Variants in MIB2 observed in about 807,000 individuals in gnomAD.
MIB2 encodes the protein MIB E3 ubiquitin protein ligase 2.
A neutral mutation model predicts 96.6 loss-of-function variants in MIB2; 78 were observed. The ratio of observed to expected loss-of-function variants is 0.81; its 90% CI spans 0.67 to 0.97. The LOEUF is 0.97. Ranked by LOEUF, MIB2 falls within the 50% of genes least tolerant of loss-of-function variation. MIB2 has a pLI of 0.00. For synonymous variants in MIB2, 820 were observed against 629.5 expected (o/e 1.30, Z -4.53); for missense variants, 1,543 against 1,424.0 (o/e 1.08, Z -1.35).
Position 1,624,265 on chromosome 1 carries a change from G to C in MIB2, c.419+320G>C. ...CGCTCTGGTCCGAGGGCATCAGCTCGGGGAGAATCTAGCCTGCTTGGGGCA... is the reference window on the plus strand; with the variant it reads ...CGCTCTGGTCCGAGGGCATCAGCTCCGGGAGAATCTAGCCTGCTTGGGGCA... On this transcript the variant is annotated intron_variant, in intron 4 of 19. Transcript: ENST00000355826. 3 of 448,726 alleles carry C rather than the reference G, an allele frequency of 6.7e-6. No individual in the cohort carries two copies. The South Asian group carries it at 9.0e-5, about 13-fold the overall frequency. The allele number at this position is 448,726 out of a possible 1,614,324, so 27.8% of individuals were successfully genotyped here.
rs1410012327 is a variant in MIB2 at position 1,630,543 on chromosome 1, G to A, written c.*13G>A. On this transcript the variant is annotated 3_prime_UTR_variant, in exon 20 of 20. Transcript: ENST00000355826. The stretch of plus-strand genomic sequence containing the variant: ...GATCTTCGTGTGAGCCGCGCCGTCC[G>A]CCGCGCCCGAGCTGCCTTCGCGTGC... 1.3e-6 allele frequency: 2 copies of A among 1,547,264 alleles called. No homozygotes were observed. Among genetic ancestry groups the A allele is most frequent in the African/African-American group, 1.4e-5 (1 of 71,838 alleles).
rs143944834 is a variant in MIB2, at chr1:1,627,168, A to G, written c.1335A>G (p.Ala445=). ...TGGTGGAGGTGGCGCTGGGTAACGCAGCCCGGGCTCTGGACCTGCTGCGGA... is the reference window on the plus strand; with the variant it reads ...TGGTGGAGGTGGCGCTGGGTAACGCGGCCCGGGCTCTGGACCTGCTGCGGA... ...RLVVEVALGN[A]ARALDLLRRR... The change falls in exon 11 of 20, where the codon GCA becomes GCG. Residue 445 remains alanine, a synonymous_variant. Transcript: ENST00000355826. 1.7e-3 allele frequency: 2,725 copies of G among 1,591,276 alleles called. 43 individuals carry two copies. The African/African-American group carries it at 0.031, about 18-fold the overall frequency.
intron 4 of MIB2, among the ~76,000 whole-genome samples, chr1:1,624,522 C>T (rs1224843231): frequency 2.0e-5 from 3 of 152,206 alleles, no homozygotes; most frequent in Non-Finnish European, 2.9e-5. Context: ...AGGGTGGGCC[C>T]GGGTGCCTTC....
chr1:1,616,637 C>A lies in MIB2; in HGVS notation c.-23+23C>A, dbSNP rs762142078. On this transcript the variant is annotated intron_variant, in intron 2 of 19. Transcript: ENST00000355826. ...CAGGTGAGCTCTTGATCGTCCGCGG[C>A]CTGATAGTTTGCACTTGGCTCTCCC... The A allele has an allele frequency of 1.2e-5, 18 of 1,551,606 alleles. 1 individual carries two copies. The South Asian group carries it at 1.7e-4, about 14-fold the overall frequency.
rs1644637780 is a variant in MIB2 at position 1,625,290 on chromosome 1, G to A, written c.726G>A (p.Lys242=). 1.3e-6 allele frequency: 2 copies of A among 1,589,568 alleles called. No individual in the cohort carries two copies. Among genetic ancestry groups the A allele is most frequent in the African/African-American group, 1.3e-5 (1 of 74,496 alleles). Reference sequence around the variant, plus strand: ...CTGGTCTGCCACCCTCCGCAGGCAAGCCGGCGGAGCTGCAGCGCAGGGTGA... The same window carrying A: ...CTGGTCTGCCACCCTCCGCAGGCAAACCGGCGGAGCTGCAGCGCAGGGTGA... ...YYKDHLPRLG[K]PAELQRRVSA... Residue 242 remains lysine, a synonymous_variant, in exon 7 of 20, where the codon AAG becomes AAA. Transcript: ENST00000355826. This position sits in a 1 kb window ranked among gnomAD's most constrained non-coding sequence, Gnocchi z 5.0.
intron 1 of MIB2, 55 bp from the exon 2 acceptor site, chr1:1,616,453 C>A: frequency 3.1e-6 from 4 of 1,310,566 alleles, no homozygotes; most frequent in Non-Finnish European, 4.1e-6. Flanking sequence ...GACAGGCGAC[C>A]GAGCCGCGGG....
chr1:1,615,606 G>T lies in MIB2; in HGVS notation c.-157G>T. 1 of 1,568,702 alleles carries T rather than the reference G, an allele frequency of 6.4e-7. No homozygotes were observed. Among genetic ancestry groups the T allele is most frequent in the Admixed American group, 1.8e-5 (1 of 56,180 alleles). ...CCCGAGTCGCTCCTAGGTCACTGGC[G>T]CGATGCGGGCCGTCCTCTCGGCTGA... is the stretch of plus-strand genomic sequence containing the variant. On this transcript the variant is annotated 5_prime_UTR_variant, in exon 1 of 20. Coordinates refer to ENST00000355826, the MANE Select transcript of MIB2 (RefSeq NM_001170687.4).
intron 2 of MIB2, among the ~76,000 whole-genome samples, chr1:1,622,224 G>A (rs1440905127): frequency 1.3e-5 from 2 of 152,238 alleles, no homozygotes; most frequent in Admixed American, 1.3e-4. Flanking sequence ...CCCTGGCCAT[G>A]GGGTCCTAGT....
In MIB2 at chr1:1,615,565, G is replaced by A. The variant is rs2100265468; in HGVS notation, c.-198G>A. On this transcript the variant is annotated 5_prime_UTR_variant, in exon 1 of 20. Coordinates refer to ENST00000355826, the MANE Select transcript of MIB2 (RefSeq NM_001170687.4). ...GTGCCCGGTGGCCCAGGAGGGCCTG[G>A]GAGCCCGAAGCCGTCCCCGAGTCGC... 6.5e-7 allele frequency: 1 copy of A among 1,539,636 alleles called. No individual in the cohort carries two copies. Among genetic ancestry groups the A allele is most frequent in the African/African-American group, 1.4e-5 (1 of 72,384 alleles).
intron 4 of MIB2, 103 bp downstream of exon 4, chr1:1,624,048 A>C: frequency 7.5e-7 from 1 of 1,326,518 alleles, no homozygotes; most frequent in African/African-American, 1.5e-5. Context: ...GCTCCCAGGA[A>C]GACGGAGCAA....
At chr1:1,615,498 C>T (rs1557542303), upstream of MIB2, 2 of 1,527,848 alleles carry the variant, frequency 1.3e-6, no homozygotes, top group Admixed American at 4.0e-5. Context: ...CCCTGGGCTC[C>T]CGCCCTTCGG....
In MIB2 at chr1:1,629,231, C is replaced by A; in HGVS notation, c.2301C>A (p.Asn767Lys). 6.5e-7 allele frequency: 1 copy of A among 1,543,658 alleles called. No homozygotes were observed. Among genetic ancestry groups the A allele is most frequent in the Non-Finnish European group, 8.7e-7 (1 of 1,155,490 alleles). Reference protein sequence around the residue: ...ALEGADVSYTNHRGRSPLDLA... With the variant: ...ALEGADVSYTKHRGRSPLDLA... ...AGGGCGCCGACGTGAGCTACACCAA[C>A]CACCGCGGTCGGAGCCCGCTGGACC... Residue 767 changes from asparagine to lysine, a missense_variant, in exon 17 of 20, where the codon AAC becomes AAA. By Grantham distance (94) the Asn-to-Lys change is moderately conservative (BLOSUM62 0). Transcript: ENST00000355826.
Position 1,629,162 on chromosome 1 carries a change from G to T in MIB2, c.2232G>T (p.Ala744=). 1.3e-6 allele frequency: 2 copies of T among 1,502,710 alleles called. No homozygotes were observed. Among genetic ancestry groups the T allele is most frequent in the South Asian group, 2.5e-5 (2 of 80,602 alleles). The allele number at this position is 1,502,710 out of a possible 1,614,324, so 93.1% of individuals were successfully genotyped here. The part of the protein sequence containing the change: ...RLQASGLPGS[A]ELTVGAAVAC... ...AGGCCTCGGGCCTCCCCGGCAGCGC[G>T]GAGCTGACGGTGGGCGCGGCGGTCG... The change falls in exon 17 of 20, where the codon GCG becomes GCT. Residue 744 remains alanine (A), a synonymous_variant. Coordinates refer to ENST00000355826, the MANE Select transcript of MIB2 (RefSeq NM_001170687.4).
At position 1,628,566 on chromosome 1, in the gene MIB2, G is replaced by A. The variant is rs778155856; in HGVS notation, c.2046G>A (p.Gly682=). 9 of 1,601,096 alleles carry A rather than the reference G, an allele frequency of 5.6e-6. No individual in the cohort carries two copies. In the East Asian group the frequency reaches 1.3e-4, roughly 24 times the overall value. The change falls in exon 16 of 20, where the codon GGG becomes GGA. Residue 682 remains glycine, a synonymous_variant. Transcript: ENST00000355826. Reference sequence around the variant, plus strand: ...TCGCCGTGCAACAGGCCCACGTGGGGCTGGTGCCGCTACTGGTGGACGCTG... The same window carrying A: ...TCGCCGTGCAACAGGCCCACGTGGGACTGGTGCCGCTACTGGTGGACGCTG... ...LHLAVQQAHV[G]LVPLLVDAGC...
At position 1,626,664 on chromosome 1, in the gene MIB2, G is replaced by T; in HGVS notation, c.987G>T (p.Trp329Cys). Reference protein sequence around the residue: ...PGALTKHHSFWVGDVVRVIGD... With the variant: ...PGALTKHHSFCVGDVVRVIGD... ...TTGTCGCTCAGCACCACTCCTTCTGGGTGGGCGACGTGGTCCGGGTCATCG... is the reference window on the plus strand; with the variant it reads ...TTGTCGCTCAGCACCACTCCTTCTGTGTGGGCGACGTGGTCCGGGTCATCG... The change falls in exon 9 of 20, where the codon TGG becomes TGT. Residue 329 changes from tryptophan (W) to cysteine (C), a missense_variant. Trp to Cys is a radical substitution (Grantham distance 215). Coordinates refer to ENST00000355826, the MANE Select transcript of MIB2 (RefSeq NM_001170687.4). The surrounding 1 kb of genome is among the most constrained non-coding windows in gnomAD (Gnocchi z 5.3). The T allele has an allele frequency of 6.3e-7, 1 of 1,580,054 alleles. No individual in the cohort carries two copies.
chr1:1,622,507 C>G (rs1428662354), intron 2 of MIB2, among the ~76,000 whole-genome samples: 4 of 152,212 alleles, frequency 2.6e-5, no homozygotes, highest in African/African-American at 9.6e-5. Flanking sequence ...CCATCCCTGC[C>G]TCCGGCAGCC....
intron 1 of MIB2, chr1:1,616,262 C>T (rs902515372): frequency 1.5e-5 from 6 of 404,974 alleles, no homozygotes; most frequent in Admixed American, 5.8e-5. Context: ...GTGCGCGTCC[C>T]GGAGCCTCCT....
chr1:1,625,474 C>G lies in MIB2; in HGVS notation c.864+46C>G. The G allele has an allele frequency of 6.4e-6, 10 of 1,554,444 alleles. No homozygotes were observed. The highest frequency in any genetic ancestry group is 8.7e-6 in the Non-Finnish European group (10 of 1,148,104). On this transcript the variant is annotated intron_variant, in intron 7 of 19. Transcript: ENST00000355826. The surrounding 1 kb of genome is among the most constrained non-coding windows in gnomAD (Gnocchi z 5.0). ...GCCCTGTGTGCCCTGCCCTCCCAGC[C>G]CTCCGCCCCCTCAGCCCCTTCCTCC...
At chr1:1,622,382 C>T (rs79372291) in intron 2 of MIB2, among the ~76,000 whole-genome samples, 1,712 of 152,184 alleles carry the variant, frequency 0.011, 39 homozygotes, top group African/African-American at 0.039. Context: ...GTGCTGAAGC[C>T]CAGCATGGTG....
Sources: gnomAD v4.1 joint callset for allele counts (sites outside exome capture counted in the v4.1 genomes callset) on GRCh38, gnomAD v4.1.1 for gene constraint, Gnocchi (gnomAD v3.1) non-coding constraint, MANE v1.5 for transcripts, NCBI Gene and HGNC (gene_info 2026-07-23, HGNC 2026-07-21) for gene names.